Variants in HES7 observed in about 807,000 individuals in gnomAD.
The protein encoded by HES7 is hes family bHLH transcription factor 7.
HES7 carries 8 observed loss-of-function variants against 18.0 expected under a neutral mutation model. The ratio of observed to expected loss-of-function variants is 0.45; its 90% confidence interval spans 0.26 to 0.80. HES7 has a LOEUF of 0.80. HES7 is among the 30% of genes least tolerant of loss of function. The probability of loss-of-function intolerance (pLI) is 0.18; values close to 1 mark genes in which losing one functional copy is unlikely to be tolerated. For synonymous variants in HES7, 170 were observed against 158.6 expected (o/e 1.07, Z -0.54); for missense variants, 356 against 340.9 (o/e 1.04, Z -0.35).
Position 8,122,169 on chromosome 17 carries a change from G to T in HES7, c.227-132C>A. On this transcript the variant is annotated intron_variant, in intron 3 of 3. Transcript: ENST00000541682. This position sits in a 1 kb window ranked among gnomAD's most constrained non-coding sequence, Gnocchi z 6.9. The stretch of plus-strand genomic sequence containing the variant: ...GAAGCCAGATGGACGGAAAGAGGGA[G>T]AAAATGAGGGAGACACAGAGACAGA... The T allele has an allele frequency of 1.0e-6, 1 of 967,250 alleles. No homozygotes were observed. The highest frequency in any genetic ancestry group is 1.5e-6 in the Non-Finnish European group (1 of 663,342). The allele number at this position is 967,250 out of a possible 1,614,324, so 59.9% of individuals were successfully genotyped here.
chr17:8,123,480 C>T lies in HES7; in HGVS notation c.43-354G>A. On this transcript the variant is annotated intron_variant, in intron 1 of 3. Transcript: ENST00000541682. The surrounding 1 kb of genome is among the most constrained non-coding windows in gnomAD (Gnocchi z 5.9). ...TCTGCGCGCACGCACGTGCGCCGCA[C>T]GGTGCCGGGCTCAGACCTGGCGGCC... The T allele has an allele frequency of 2.6e-6, 1 of 387,212 alleles. No individual in the cohort carries two copies. The highest frequency in any genetic ancestry group is 4.8e-6 in the Non-Finnish European group (1 of 208,540). 24.0% of individuals were successfully genotyped at this position (387,212 alleles called of 1,614,324 possible).
upstream of HES7, among the ~76,000 whole-genome samples, chr17:8,125,674 A>T (rs1032347742): frequency 6.6e-6 from 1 of 151,962 alleles, no homozygotes; most frequent in East Asian, 1.9e-4. Context: ...CCTGGCCTAC[A>T]CCGTTGCCTG....
upstream of HES7, chr17:8,124,150 G>A (rs1390381759): frequency 1.2e-6 from 2 of 1,603,014 alleles, no homozygotes; most frequent in Non-Finnish European, 1.7e-6. Context: ...CGCGGCCCAA[G>A]GGTAGGAGGG....
At position 8,124,097 on chromosome 17, in the gene HES7, C is replaced by A. The variant is rs1981502449; in HGVS notation, c.-13G>T. 6 of 1,614,042 alleles carry A rather than the reference C, an allele frequency of 3.7e-6. No individual in the cohort carries two copies. Among genetic ancestry groups the A allele is most frequent in the Non-Finnish European group, 5.1e-6 (6 of 1,180,034 alleles). The stretch of plus-strand genomic sequence containing the variant: ...CCCGGGTGACCATTGCTCCTCCGGA[C>A]CCTGTGTGGACCGGTTCCCTGCTCG... On this transcript the variant is annotated 5_prime_UTR_variant, in exon 1 of 4. Transcript: ENST00000541682.
In HES7 at chr17:8,121,045, T is replaced by A. The variant is rs1981289269; in HGVS notation, c.*526A>T. ...TTCAATTTTTCCTTTTTATCCGTTT[T>A]TTTCTTAAAGGCCCCCATCCCTTCT... On this transcript the variant is annotated 3_prime_UTR_variant, in exon 4 of 4. Coordinates refer to ENST00000541682, the MANE Select transcript of HES7 (RefSeq NM_001165967.2). 1 of 152,884 alleles carries A rather than the reference T, an allele frequency of 6.5e-6. No individual in the cohort carries two copies. Among genetic ancestry groups the A allele is most frequent in the South Asian group, 2.1e-4 (1 of 4,854 alleles). The allele number at this position is 152,884 out of a possible 1,614,324, so 9.5% of individuals were successfully genotyped here. A position where few individuals can be genotyped will look rare whatever the true frequency, so the allele number is the denominator to read the frequency against.
In HES7 at chr17:8,123,225, C is replaced by A; in HGVS notation, c.43-99G>T. Reference sequence around the variant, plus strand: ...GCCGCTGGGAGAGCCCGGCTTCCACCCCGGCCACAAGACCCCAGATTGCCT... The same window carrying A: ...GCCGCTGGGAGAGCCCGGCTTCCACACCGGCCACAAGACCCCAGATTGCCT... On this transcript the variant is annotated intron_variant, in intron 1 of 3. Transcript: ENST00000541682. This position sits in a 1 kb window ranked among gnomAD's most constrained non-coding sequence, Gnocchi z 5.9. 1 of 940,090 alleles carries A rather than the reference C, an allele frequency of 1.1e-6. No individual in the cohort carries two copies. The allele number at this position is 940,090 out of a possible 1,614,324, so 58.2% of individuals were successfully genotyped here. A position where few individuals can be genotyped will look rare whatever the true frequency, so the allele number is the denominator to read the frequency against.
At chr17:8,126,099 G>C (rs1981599457), upstream of HES7, among the ~76,000 whole-genome samples, 1 of 150,586 alleles carries the variant, frequency 6.6e-6, no homozygotes, top group South Asian at 2.1e-4. Flanking sequence ...TCGGCCCCCC[G>C]CGGGGGAAGG....
chr17:8,121,254 G>A lies in HES7; in HGVS notation c.*317C>T. 4.0e-6 allele frequency: 1 copy of A among 250,216 alleles called. No individual in the cohort carries two copies. Among genetic ancestry groups the A allele is most frequent in the East Asian group, 6.9e-5 (1 of 14,438 alleles). 15.5% of individuals were successfully genotyped at this position (250,216 alleles called of 1,614,324 possible). A position where few individuals can be genotyped will look rare whatever the true frequency, so the allele number is the denominator to read the frequency against. The stretch of plus-strand genomic sequence containing the variant: ...GAGATAAAGGCAGGCCCCTGGCTCG[G>A]GGACACACGGGGATTTAATAACCAC... On this transcript the variant is annotated 3_prime_UTR_variant, in exon 4 of 4. Coordinates refer to ENST00000541682, the MANE Select transcript of HES7 (RefSeq NM_001165967.2).
rs1183659653 is a variant in HES7 at position 8,120,971 on chromosome 17, A to AT, written c.*599_*600insA. On this transcript the variant is annotated 3_prime_UTR_variant, in exon 4 of 4. Coordinates refer to ENST00000541682, the MANE Select transcript of HES7 (RefSeq NM_001165967.2). ...GCGCATTGGACTTCTAGTGACGAAT[A>AT]GAGCAATTCAAAGGTTGTGGGTTCG... is the stretch of plus-strand genomic sequence containing the variant. 2 of 152,688 alleles carry AT rather than the reference A, an allele frequency of 1.3e-5. No homozygotes were observed. The highest frequency in any genetic ancestry group is 3.8e-4 in the East Asian group (2 of 5,196). 9.5% of individuals were successfully genotyped at this position (152,688 alleles called of 1,614,324 possible). A position where few individuals can be genotyped will look rare whatever the true frequency, so the allele number is the denominator to read the frequency against.
At chr17:8,125,799 C>G (rs926770053), upstream of HES7, among the ~76,000 whole-genome samples, 4 of 152,196 alleles carry the variant, frequency 2.6e-5, no homozygotes, top group Non-Finnish European at 4.4e-5. Flanking sequence ...GGCCCGGGTT[C>G]GATTCCCGGC....
rs1055352996 is a variant in HES7, at chr17:8,122,110, G to C, written c.227-73C>G. ...GGGGTGAGGGAAGGGGCGGGGCGCA[G>C]AGATACCAAGGCCGGACAGGCGCAC... On this transcript the variant is annotated intron_variant, in intron 3 of 3. Transcript: ENST00000541682. The surrounding 1 kb of genome is among the most constrained non-coding windows in gnomAD (Gnocchi z 6.9). The C allele has an allele frequency of 3.8e-6, 5 of 1,327,176 alleles. No homozygotes were observed. In the African/African-American group the frequency reaches 4.5e-5, roughly 12 times the overall value. The allele number at this position is 1,327,176 out of a possible 1,614,324, so 82.2% of individuals were successfully genotyped here. A position where few individuals can be genotyped will look rare whatever the true frequency, so the allele number is the denominator to read the frequency against.
At position 8,122,041 on chromosome 17, in the gene HES7, G is replaced by A; in HGVS notation, c.227-4C>T. 2 of 1,500,740 alleles carry A rather than the reference G, an allele frequency of 1.3e-6. No individual in the cohort carries two copies. Among genetic ancestry groups the A allele is most frequent in the Non-Finnish European group, 1.8e-6 (2 of 1,133,870 alleles). 93.0% of individuals were successfully genotyped at this position (1,500,740 alleles called of 1,614,324 possible). A position where few individuals can be genotyped will look rare whatever the true frequency, so the allele number is the denominator to read the frequency against. ...GGAACCCCTGGAGCCGCGGCGGCTGGTGCGGCCGGCGGGAGCACAGGTGGG... is the reference window on the plus strand; with the variant it reads ...GGAACCCCTGGAGCCGCGGCGGCTGATGCGGCCGGCGGGAGCACAGGTGGG... On this transcript the variant is annotated splice_polypyrimidine_tract_variant and splice_region_variant and intron_variant, in intron 3 of 3. Transcript: ENST00000541682. This position sits in a 1 kb window ranked among gnomAD's most constrained non-coding sequence, Gnocchi z 6.9.
chr17:8,122,367 C>T lies in HES7; in HGVS notation c.202G>A (p.Glu68Lys), dbSNP rs1981400040. 6.3e-7 allele frequency: 1 copy of T among 1,597,362 alleles called. No homozygotes were observed. Among genetic ancestry groups the T allele is most frequent in the East Asian group, 2.3e-5 (1 of 44,044 alleles). Residue 68 changes from glutamate (E) to lysine (K), a missense_variant, in exon 3 of 4, where the codon GAG (glutamate) becomes AAG (lysine). Physicochemically the swap from Glu to Lys is moderately conservative, Grantham distance 56. Transcript: ENST00000541682. This position sits in a 1 kb window ranked among gnomAD's most constrained non-coding sequence, Gnocchi z 6.9. Reference sequence around the variant, plus strand: ...CCCGGGGGCTCCACCCGGCTTCGCTCCCTCAAGTAGCCCACGGCGAACTCC... The same window carrying T: ...CCCGGGGGCTCCACCCGGCTTCGCTTCCTCAAGTAGCCCACGGCGAACTCC... ...ILEFAVGYLR[E>K]RSRVEPPAAA...
At position 8,121,304 on chromosome 17, in the gene HES7, G is replaced by T. The variant is rs1381747519; in HGVS notation, c.*267C>A. The stretch of plus-strand genomic sequence containing the variant: ...CTTTATTCCATGCACTAGGGACTCG[G>T]GAAGGGACTGGGACTGGGCTGAGGG... On this transcript the variant is annotated 3_prime_UTR_variant, in exon 4 of 4. Coordinates refer to ENST00000541682, the MANE Select transcript of HES7 (RefSeq NM_001165967.2). The T allele has an allele frequency of 2.8e-6, 1 of 358,922 alleles. No individual in the cohort carries two copies. The highest frequency in any genetic ancestry group is 2.1e-5 in the African/African-American group (1 of 47,794). The allele number at this position is 358,922 out of a possible 1,614,324, so 22.2% of individuals were successfully genotyped here.
At position 8,122,491 on chromosome 17, in the gene HES7, C is replaced by T; in HGVS notation, c.139-61G>A. On this transcript the variant is annotated intron_variant, in intron 2 of 3. Coordinates refer to ENST00000541682, the MANE Select transcript of HES7 (RefSeq NM_001165967.2). The surrounding 1 kb of genome is among the most constrained non-coding windows in gnomAD (Gnocchi z 6.9). Reference sequence around the variant, plus strand: ...GGGTGGGGAGAAAGGGGGAAAGTGGCAGGGGGAAGAAGGGAGGGACGGATG... The same window carrying T: ...GGGTGGGGAGAAAGGGGGAAAGTGGTAGGGGGAAGAAGGGAGGGACGGATG... The T allele has an allele frequency of 8.4e-7, 1 of 1,195,006 alleles. No individual in the cohort carries two copies. Among genetic ancestry groups the T allele is most frequent in the Admixed American group, 2.0e-5 (1 of 49,956 alleles). 74.0% of individuals were successfully genotyped at this position (1,195,006 alleles called of 1,614,324 possible).
Position 8,120,899 on chromosome 17 carries a change from C to CAACAAGACGCCGCCG in HES7, c.*671_*672insCGGCGGCGTCTTGTT, listed in dbSNP as rs1568012879. On this transcript the variant is annotated 3_prime_UTR_variant, in exon 4 of 4. Coordinates refer to ENST00000541682, the MANE Select transcript of HES7 (RefSeq NM_001165967.2). ...CCATTCCCACTCTAGTACCCGTAAG[C>CAACAAGACGCCGCCG]TACAAGACGCCGCCGTTCGTCGGGT... 2.0e-5 allele frequency: 3 copies of CAACAAGACGCCGCCG among 152,690 alleles called. No individual in the cohort carries two copies. Among genetic ancestry groups the CAACAAGACGCCGCCG allele is most frequent in the Admixed American group, 1.3e-4 (2 of 15,280 alleles). 9.5% of individuals were successfully genotyped at this position (152,690 alleles called of 1,614,324 possible).
chr17:8,122,233 C>A lies in HES7; in HGVS notation c.226+110G>T, dbSNP rs1981387719. On this transcript the variant is annotated intron_variant, in intron 3 of 3. Transcript: ENST00000541682. The surrounding 1 kb of genome is among the most constrained non-coding windows in gnomAD (Gnocchi z 6.9). The stretch of plus-strand genomic sequence containing the variant: ...TATTAACCTCGCCTCGGAGCAGAAC[C>A]GGCCACTCCCCAAGCCCACCATCCA... 2 of 1,040,644 alleles carry A rather than the reference C, an allele frequency of 1.9e-6. No individual in the cohort carries two copies. The highest frequency in any genetic ancestry group is 2.9e-6 in the Non-Finnish European group (2 of 695,800). 64.5% of individuals were successfully genotyped at this position (1,040,644 alleles called of 1,614,324 possible).
chr17:8,126,430 T>A (rs902131732), upstream of HES7, among the ~76,000 whole-genome samples: 1 of 152,152 alleles, frequency 6.6e-6, no homozygotes, highest in African/African-American at 2.4e-5. Context: ...GTCTCTGGTA[T>A]CTCGTCGTCT....
chr17:8,122,348 G>T lies in HES7; in HGVS notation c.221C>A (p.Pro74His), dbSNP rs1458030513. ...GYLRERSRVE[P>H]PAAAAPGVPR... Reference sequence around the variant, plus strand: ...GCCCCACCCCCGCGCTGTACCCGGGGGCTCCACCCGGCTTCGCTCCCTCAA... The same window carrying T: ...GCCCCACCCCCGCGCTGTACCCGGGTGCTCCACCCGGCTTCGCTCCCTCAA... The change falls in exon 3 of 4, where the codon CCC (proline) becomes CAC (histidine). Residue 74 changes from proline (P) to histidine (H), a missense_variant. Physicochemically the swap from Pro to His is moderately conservative, Grantham distance 77 (BLOSUM62 -2). Coordinates refer to ENST00000541682, the MANE Select transcript of HES7 (RefSeq NM_001165967.2). This position sits in a 1 kb window ranked among gnomAD's most constrained non-coding sequence, Gnocchi z 6.9. The T allele has an allele frequency of 1.3e-6, 2 of 1,589,758 alleles. No individual in the cohort carries two copies. The highest frequency in any genetic ancestry group is 1.1e-5 in the South Asian group (1 of 87,270).
Sources: gnomAD v4.1 joint callset for allele counts (sites outside exome capture counted in the v4.1 genomes callset) on GRCh38, gnomAD v4.1.1 for gene constraint, Gnocchi (gnomAD v3.1) non-coding constraint, MANE v1.5 for transcripts, NCBI Gene and HGNC (gene_info 2026-07-23, HGNC 2026-07-21) for gene names.